SUGCT: variants seen among roughly 807,000 people sequenced by gnomAD.
SUGCT encodes the protein succinyl-CoA:glutarate CoA-transferase.
A neutral mutation model predicts 55.0 loss-of-function variants in SUGCT; 41 were observed. The observed-to-expected ratio is 0.74, with a 90% confidence interval of 0.58 to 0.97. The LOEUF (loss-of-function observed/expected upper bound fraction) is 0.97. Among genes scored for constraint, SUGCT ranks in the 50% least tolerant of loss-of-function variants. The pLI, the probability that SUGCT is intolerant of heterozygous loss-of-function variation, is 0.00. For synonymous variants in SUGCT, 187 were observed against 200.4 expected (o/e 0.93, Z 0.56); for missense variants, 568 against 547.8 (o/e 1.04, Z -0.37).
chr7:40,503,352 G>A (rs1345731709), intron 12 of SUGCT, among the ~76,000 whole-genome samples: 1 of 152,000 alleles, frequency 6.6e-6, no homozygotes, highest in Non-Finnish European at 1.5e-5. Context: ...GGTTTTTCAA[G>A]TCTACCATAA....
At chr7:40,351,094 A>G (rs746095472) in intron 9 of SUGCT, among the ~76,000 whole-genome samples, 12 of 152,028 alleles carry the variant, frequency 7.9e-5, no homozygotes, top group South Asian at 4.1e-4. Context: ...AATTTCTTAA[A>G]TATTTATATA....
At chr7:40,158,517 G>A (rs1481596811) in intron 1 of SUGCT, among the ~76,000 whole-genome samples, 2 of 152,180 alleles carry the variant, frequency 1.3e-5, no homozygotes, top group East Asian at 1.9e-4. Context: ...TTGGGAGGCC[G>A]AGGCAGGCAG....
intron 12 of SUGCT, among the ~76,000 whole-genome samples, chr7:40,528,848 A>C (rs1793938090): frequency 6.6e-6 from 1 of 152,216 alleles, no homozygotes; most frequent in South Asian, 2.1e-4. Context: ...TAAACAATAG[A>C]GTCATCATTT....
chr7:40,144,433 C>T (rs757117405), intron 1 of SUGCT, among the ~76,000 whole-genome samples: 11 of 152,006 alleles, frequency 7.2e-5, no homozygotes, highest in Admixed American at 6.5e-5. Context: ...CTGGAGGGGG[C>T]GGCGCTTTCT....
chr7:40,934,077 C>T, the SUGCT span, among the ~76,000 whole-genome samples: 1 of 152,190 alleles, frequency 6.6e-6, no homozygotes, highest in African/African-American at 2.4e-5. Context: ...GTGGTTTTAT[C>T]TACCTTTGGT....
intron 12 of SUGCT, among the ~76,000 whole-genome samples, chr7:40,734,207 C>G (rs1363877475): frequency 1.3e-5 from 2 of 152,198 alleles, no homozygotes; most frequent in African/African-American, 4.8e-5. Flanking sequence ...GAAGAAATGA[C>G]AAACTGCTAA....
chr7:40,610,472 T>C (rs1409477853), intron 12 of SUGCT, among the ~76,000 whole-genome samples: 2 of 152,206 alleles, frequency 1.3e-5, no homozygotes, highest in Non-Finnish European at 2.9e-5. Flanking sequence ...TATTTTGTTG[T>C]CTATTAGTGA....
At chr7:40,927,015 T>G in the SUGCT span, among the ~76,000 whole-genome samples, 1 of 152,212 alleles carries the variant, frequency 6.6e-6, no homozygotes, top group African/African-American at 2.4e-5. Context: ...AGACATTGCC[T>G]TTAAGGGGAT....
intron 11 of SUGCT, among the ~76,000 whole-genome samples, chr7:40,463,458 C>T (rs1234030676): frequency 1.3e-5 from 2 of 152,154 alleles, no homozygotes; most frequent in South Asian, 2.1e-4. Context: ...GAGTACTCCC[C>T]TCCCTGTCCC....
chr7:40,903,118 G>A, the SUGCT span, among the ~76,000 whole-genome samples: 3 of 150,300 alleles, frequency 2.0e-5, no homozygotes, highest in African/African-American at 7.3e-5. Context: ...TGCAACCTCC[G>A]CCTCCCGGGT....
intron 12 of SUGCT, among the ~76,000 whole-genome samples, chr7:40,650,822 T>C (rs1180838001): frequency 1.3e-5 from 2 of 152,148 alleles, no homozygotes; most frequent in African/African-American, 4.8e-5. Flanking sequence ...ATCACCTAGG[T>C]ATTAAGCCAG....
At chr7:40,569,645 A>G (rs542296485) in intron 12 of SUGCT, among the ~76,000 whole-genome samples, 1 of 152,298 alleles carries the variant, frequency 6.6e-6, no homozygotes, top group African/African-American at 2.4e-5. Flanking sequence ...CATTGAGAAA[A>G]TACAAATGTG....
chr7:40,176,093 A>G (rs1473651050), intron 1 of SUGCT, among the ~76,000 whole-genome samples: 2 of 152,028 alleles, frequency 1.3e-5, no homozygotes, highest in East Asian at 1.9e-4. Flanking sequence ...ACAGCGGGAC[A>G]TGGTGGCACA....
intron 13 of SUGCT, among the ~76,000 whole-genome samples, chr7:40,778,564 AC>A (rs1224262907): frequency 6.6e-6 from 1 of 152,238 alleles, no homozygotes; most frequent in Non-Finnish European, 1.5e-5. Flanking sequence ...GCCCCACGTC[AC>A]CCAGTGGTGA....
chr7:40,472,498 CAT>C (rs1790452895), intron 11 of SUGCT, among the ~76,000 whole-genome samples: 1 of 152,088 alleles, frequency 6.6e-6, no homozygotes, highest in South Asian at 2.1e-4. Flanking sequence ...GTTGTCTCTC[CAT>C]AGAATTATAG....
chr7:40,463,004 T>C (rs1410086978), intron 11 of SUGCT, among the ~76,000 whole-genome samples: 1 of 152,190 alleles, frequency 6.6e-6, no homozygotes, highest in East Asian at 1.9e-4. Flanking sequence ...GTTTTTAAAA[T>C]GTGGTTTGCC....
At chr7:40,478,066 C>T (rs1790804766) in intron 11 of SUGCT, among the ~76,000 whole-genome samples, 1 of 152,140 alleles carries the variant, frequency 6.6e-6, no homozygotes, top group Non-Finnish European at 1.5e-5. Context: ...AGTCATAGCT[C>T]ACTGCAGCCT....
At chr7:40,815,445 G>A (rs769903824) in intron 13 of SUGCT, among the ~76,000 whole-genome samples, 4 of 152,136 alleles carry the variant, frequency 2.6e-5, no homozygotes, top group East Asian at 1.9e-4. Context: ...TTGCACCCAG[G>A]ATCTCTGCAC....
intron 6 of SUGCT, among the ~76,000 whole-genome samples, chr7:40,219,748 T>G (rs1196008808): frequency 6.6e-6 from 1 of 152,008 alleles, no homozygotes; most frequent in Non-Finnish European, 1.5e-5. Flanking sequence ...CTAAAAAACT[T>G]CTTATCACCA....
Sources: allele counts gnomAD v4.1 joint callset (sites outside exome capture counted in the v4.1 genomes callset), GRCh38; gene constraint gnomAD v4.1.1; transcripts MANE v1.5; gene names NCBI Gene and HGNC (gene_info 2026-07-23, HGNC 2026-07-21).